The following PIWIL3 variants were observed in gnomAD, a reference collection of about 807,000 sequenced individuals.
The protein encoded by PIWIL3 is piwi-like protein 3.
In PIWIL3, 101 loss-of-function variants were observed where a neutral mutation model predicts 109.7. The observed-to-expected ratio is 0.92, with a 90% CI of 0.78 to 1.09. The LOEUF (loss-of-function observed/expected upper bound fraction) is 1.09, where lower values mean the gene tolerates loss of function less well. Among genes scored for constraint, PIWIL3 ranks in the 50% least tolerant of loss-of-function variants. PIWIL3 has a pLI of 0.00. For synonymous variants in PIWIL3, 373 were observed against 376.4 expected (o/e 0.99, Z 0.10); for missense variants, 1,031 against 1,072.6 (o/e 0.96, Z 0.54).
intron 12 of PIWIL3, among the ~76,000 whole-genome samples, chr22:24,744,125 A>G (rs1290325106): frequency 2.0e-5 from 3 of 148,558 alleles, no homozygotes; most frequent in Non-Finnish European, 4.5e-5. Flanking sequence ...TTACTTCTCA[A>G]TAATAACACT....
At position 24,731,115 on chromosome 22, in the gene PIWIL3, C is replaced by T. The variant is rs543546564; in HGVS notation, c.1708-2741G>A. Among the ~76,000 whole-genome samples, 7 of 152,028 alleles carry T rather than the reference C, an allele frequency of 4.6e-5. No individual in the cohort carries two copies. In the East Asian group the frequency reaches 1.2e-3, roughly 25 times the overall value. On this transcript the variant is annotated intron_variant, in intron 14 of 20. Transcript: ENST00000616349. ...TGGGCCTCACAGCATGACAAAATAACGAAGGAATTCTTAGCAGGACCCATT... is the reference window on the plus strand; with the variant it reads ...TGGGCCTCACAGCATGACAAAATAATGAAGGAATTCTTAGCAGGACCCATT...
In PIWIL3 at chr22:24,760,063, G is replaced by A; in HGVS notation, c.103-74C>T. 4 of 1,583,232 alleles carry A rather than the reference G, an allele frequency of 2.5e-6. No homozygotes were observed. In the South Asian group the frequency reaches 3.4e-5, roughly 13 times the overall value. On this transcript the variant is annotated intron_variant, in intron 2 of 20. Coordinates refer to ENST00000616349, the MANE Select transcript of PIWIL3 (RefSeq NM_001255975.1). ...ATTCTCCCTCCAAATGGCACTCGCA[G>A]GGCACAAGGCAAAGGAACTTCCTCT...
intron 2 of PIWIL3, 52 bp from the exon 3 acceptor site, chr22:24,760,041 C>A (rs781037956): frequency 5.0e-6 from 8 of 1,605,532 alleles, no homozygotes; most frequent in Non-Finnish European, 6.8e-6. Flanking sequence ...TGTGTTCATT[C>A]TCCCTCCAAA....
At chr22:24,727,002 G>A (rs2147652130) in intron 16 of PIWIL3, among the ~76,000 whole-genome samples, 1 of 152,324 alleles carries the variant, frequency 6.6e-6, no homozygotes, top group East Asian at 1.9e-4. Context: ...GGGAGAAAAG[G>A]AGAGCATAGG....
chr22:24,732,345 T>C (rs1172973390), intron 14 of PIWIL3, among the ~76,000 whole-genome samples: 1 of 152,140 alleles, frequency 6.6e-6, no homozygotes, highest in Non-Finnish European at 1.5e-5. Context: ...CCATTTGGGG[T>C]ACATAAGATT....
At position 24,735,065 on chromosome 22, in the gene PIWIL3, A is replaced by G. The variant is rs533345143; in HGVS notation, c.1634+643T>C. 1.3e-3 allele frequency among the ~76,000 whole-genome samples: 198 copies of G among 152,260 alleles called. No homozygotes were observed. The Middle Eastern group carries it at 0.017, about 13-fold the overall frequency. ...AAAAAATAAAAAAATAAAAAAATAA[A>G]TAAATTAGTGGTCCTCAGAGGTTGT... On this transcript the variant is annotated intron_variant, in intron 13 of 20. Transcript: ENST00000616349.
chr22:24,764,679 A>ATC (rs1048479170), intron 1 of PIWIL3, among the ~76,000 whole-genome samples: 1 of 83,110 alleles, frequency 1.2e-5, no homozygotes, highest in African/African-American at 4.9e-5. Flanking sequence ...TTGAGACAGG[A>ATC]TCTCTCTCTT....
At chr22:24,765,455 G>A (rs924170478) in intron 1 of PIWIL3, among the ~76,000 whole-genome samples, 4 of 152,192 alleles carry the variant, frequency 2.6e-5, no homozygotes, top group African/African-American at 9.7e-5. Flanking sequence ...TCACAGAAAA[G>A]CATGATGGGA....
intron 19 of PIWIL3, among the ~76,000 whole-genome samples, chr22:24,722,483 TG>T (rs1473521590): frequency 6.6e-6 from 1 of 151,300 alleles, no homozygotes; most frequent in East Asian, 2.0e-4. Flanking sequence ...GCCACCAAGG[TG>T]GGTGGACCAC....
At chr22:24,744,585 A>G (rs1462097539) in intron 12 of PIWIL3, among the ~76,000 whole-genome samples, 1 of 151,792 alleles carries the variant, frequency 6.6e-6, no homozygotes, top group East Asian at 1.9e-4. Flanking sequence ...AAACAAAAAC[A>G]AAAAAAACAG....
At chr22:24,753,398 C>T (rs946428814) in intron 8 of PIWIL3, among the ~76,000 whole-genome samples, 5 of 152,132 alleles carry the variant, frequency 3.3e-5, no homozygotes, top group African/African-American at 9.7e-5. Flanking sequence ...CTATTCTTTC[C>T]CCTATTGAAT....
At chr22:24,755,701 T>C in intron 6 of PIWIL3, 83 bp downstream of exon 6, 1 of 1,544,390 alleles carries the variant, frequency 6.5e-7, no homozygotes, top group Non-Finnish European at 8.9e-7. Flanking sequence ...CACTAAGTGC[T>C]AGAAGCAAAT....
chr22:24,761,794 G>A (rs1273192980), intron 2 of PIWIL3: 4 of 264,456 alleles, frequency 1.5e-5, no homozygotes, highest in East Asian at 1.8e-4. Context: ...GTTGAAAACC[G>A]AGAATTAGGA....
intron 18 of PIWIL3, among the ~76,000 whole-genome samples, chr22:24,724,226 G>A (rs1345288724): frequency 4.0e-5 from 6 of 151,548 alleles, no homozygotes; most frequent in Admixed American, 3.9e-4. Flanking sequence ...CATTGTATTG[G>A]TGTTTTCCCC....
chr22:24,757,260 T>C (rs1182695501), intron 4 of PIWIL3, among the ~76,000 whole-genome samples: 4 of 151,966 alleles, frequency 2.6e-5, no homozygotes, highest in African/African-American at 9.7e-5. Context: ...AGAACATTTG[T>C]GGTTTCCAAA....
At chr22:24,743,310 G>A (rs1278335227) in intron 12 of PIWIL3, among the ~76,000 whole-genome samples, 1 of 152,114 alleles carries the variant, frequency 6.6e-6, no homozygotes, top group African/African-American at 2.4e-5. Flanking sequence ...AGGACTACAA[G>A]ATCTACCATT....
intron 1 of PIWIL3, among the ~76,000 whole-genome samples, chr22:24,763,879 A>G (rs1007852109): frequency 3.3e-5 from 5 of 151,936 alleles, no homozygotes; most frequent in South Asian, 2.1e-4. Flanking sequence ...CTCCGTCCAC[A>G]AGAATTAGGC....
intron 16 of PIWIL3, among the ~76,000 whole-genome samples, chr22:24,726,215 G>A (rs973272470): frequency 3.3e-5 from 5 of 151,998 alleles, no homozygotes; most frequent in Non-Finnish European, 5.9e-5. Flanking sequence ...TGGGTTTGGA[G>A]TATGTAATTG....
At chr22:24,733,191 A>C (rs1285214564) in intron 14 of PIWIL3, among the ~76,000 whole-genome samples, 1 of 152,194 alleles carries the variant, frequency 6.6e-6, no homozygotes, top group Non-Finnish European at 1.5e-5. Flanking sequence ...CACAATAGGA[A>C]AACATTCTGG....
Sources: allele counts gnomAD v4.1 joint callset (sites outside exome capture counted in the v4.1 genomes callset), GRCh38; gene constraint gnomAD v4.1.1; transcripts MANE v1.5; gene names NCBI Gene and HGNC (gene_info 2026-07-23, HGNC 2026-07-21).